Variants in INHBA observed in about 807,000 individuals in gnomAD.
INHBA encodes the protein inhibin beta A chain.
INHBA carries 1 observed loss-of-function variant against 29.0 expected under a neutral mutation model. The observed-to-expected ratio is 0.03, with a 90% confidence interval of 0.01 to 0.16. The LOEUF is 0.16. Ranked by LOEUF, INHBA falls within the 10% of genes least tolerant of loss-of-function variation. INHBA has a pLI of 1.00. For missense variants in INHBA, 376 were observed against 545.4 expected (o/e 0.69, Z 3.09); for synonymous variants, 242 against 216.8 (o/e 1.12, Z -1.02).
upstream of INHBA, among the ~76,000 whole-genome samples, chr7:41,703,766 AACACACACACAC>A (rs3030167): frequency 1.4e-5 from 2 of 147,994 alleles, no homozygotes; most frequent in African/African-American, 5.0e-5. Flanking sequence ...TAACTAACCA[AACACACACACAC>A]ACACACACAC....
chr7:41,701,531 C>A (rs1460473064), intron 1 of INHBA, among the ~76,000 whole-genome samples: 2 of 152,250 alleles, frequency 1.3e-5, no homozygotes, highest in East Asian at 3.9e-4. Context: ...CACTGAAGGA[C>A]CAGAGGGCAG....
chr7:41,704,504 T>C (rs1189836648), upstream of INHBA, among the ~76,000 whole-genome samples: 1 of 152,088 alleles, frequency 6.6e-6, no homozygotes, highest in Non-Finnish European at 1.5e-5. Context: ...CCACCCTTTT[T>C]GCTGAGAATT....
At chr7:41,691,086 G>T (rs947075040) in intron 2 of INHBA, 1 of 152,682 alleles carries the variant, frequency 6.5e-6, no homozygotes, top group Non-Finnish European at 1.5e-5. Flanking sequence ...TATCTCACAG[G>T]TTTAGGAAGG....
intron 2 of INHBA, among the ~76,000 whole-genome samples, chr7:41,693,486 T>C (rs1457549214): frequency 6.6e-6 from 1 of 152,208 alleles, no homozygotes; most frequent in East Asian, 1.9e-4. Context: ...CCAGAGAGGC[T>C]GAGGCTGCTG....
At chr7:41,693,138 C>T (rs979952375) in intron 2 of INHBA, among the ~76,000 whole-genome samples, 11 of 152,226 alleles carry the variant, frequency 7.2e-5, no homozygotes, top group South Asian at 2.1e-4. Flanking sequence ...CAAAAACAGA[C>T]AGATAGTAGC....
chr7:41,698,171 A>G (rs956352961), intron 2 of INHBA, among the ~76,000 whole-genome samples: 4 of 152,224 alleles, frequency 2.6e-5, no homozygotes, highest in Non-Finnish European at 2.9e-5. Context: ...CATAAGAAAG[A>G]ATGTAAATGG....
intron 1 of INHBA, among the ~76,000 whole-genome samples, chr7:41,701,329 AGGGACTCAG>A (rs1794790652): frequency 6.6e-6 from 1 of 152,234 alleles, no homozygotes; most frequent in South Asian, 2.1e-4. Flanking sequence ...GTCAGGGAAG[AGGGACTCAG>A]GGGTAACAGA....
At chr7:41,698,806 G>A (rs993305281) in intron 2 of INHBA, among the ~76,000 whole-genome samples, 11 of 152,318 alleles carry the variant, frequency 7.2e-5, no homozygotes, top group East Asian at 3.9e-4. Flanking sequence ...TTTTCAGATT[G>A]GAAATTCTGA....
Position 41,700,240 on chromosome 7 carries a change from C to A in INHBA, c.135G>T (p.Lys45Asn). Residue 45 changes from lysine (K) to asparagine (N), a missense_variant, in exon 2 of 3, where the codon AAG becomes AAT. Lys to Asn is a moderately conservative substitution (Grantham distance 94). This residue lies in a region of INHBA where 71 missense variants were observed against 77.0 expected (regional missense o/e 0.92). Coordinates refer to ENST00000242208, the MANE Select transcript of INHBA (RefSeq NM_002192.4). ...CPSCALAALP[K>N]DVPNSQPEMV... ...TCTCTGGCTGAGAGTTGGGTACATCCTTTGGGAGGGCGGCCAGCGCACAGG... is the reference window on the plus strand; with the variant it reads ...TCTCTGGCTGAGAGTTGGGTACATCATTTGGGAGGGCGGCCAGCGCACAGG... 1 of 1,612,192 alleles carries A rather than the reference C, an allele frequency of 6.2e-7. No individual in the cohort carries two copies. The highest frequency in any genetic ancestry group is 8.5e-7 in the Non-Finnish European group (1 of 1,178,632).
At position 41,700,194 on chromosome 7, in the gene INHBA, G is replaced by A. The variant is rs749899848; in HGVS notation, c.181C>T (p.His61Tyr). The change falls in exon 2 of 3, where the codon CAC (histidine) becomes TAC (tyrosine). Residue 61 changes from histidine to tyrosine, a missense_variant. This residue lies in a region of INHBA where 71 missense variants were observed against 77.0 expected (regional missense o/e 0.92). Transcript: ENST00000242208. ...QPEMVEAVKK[H>Y]ILNMLHLKKR... The stretch of plus-strand genomic sequence containing the variant: ...TTCAAGTGCAGCATGTTTAAAATGT[G>A]CTTCTTGACGGCCTCCACCATCTCT... 2 of 1,614,104 alleles carry A rather than the reference G, an allele frequency of 1.2e-6. No individual in the cohort carries two copies. The highest frequency in any genetic ancestry group is 1.7e-5 in the Admixed American group (1 of 60,014).
intron 2 of INHBA, chr7:41,694,202 C>T (rs148790819): frequency 5.9e-5 from 9 of 152,224 alleles, no homozygotes; most frequent in South Asian, 2.1e-4. Context: ...TGGAAACTGA[C>T]GTGGGATTGA....
Position 41,687,309 on chromosome 7 carries a change from T to TA in INHBA, c.*2340dup, listed in dbSNP as rs1348696814. ...ATTTATTTTAATCTACAAATTGACA[T>TA]AGGGCTAAAAGCTTCAATATTTTAC... On this transcript the variant is annotated 3_prime_UTR_variant, in exon 3 of 3. Transcript: ENST00000242208. 1 of 152,226 alleles carries TA rather than the reference T, an allele frequency of 6.6e-6. No individual in the cohort carries two copies. The highest frequency in any genetic ancestry group is 1.5e-5 in the Non-Finnish European group (1 of 68,028). The allele number at this position is 152,226 out of a possible 1,614,324, so 9.4% of individuals were successfully genotyped here.
intron 2 of INHBA, 149 bp from the exon 3 acceptor site, chr7:41,690,691 G>T: frequency 1.0e-6 from 1 of 967,116 alleles, no homozygotes; most frequent in Non-Finnish European, 1.5e-6. Context: ...GGCTGAAACT[G>T]TTTCTGTACT....
At position 41,689,373 on chromosome 7, in the gene INHBA, G is replaced by C; in HGVS notation, c.*277C>G. ...AACTGATGTCATCAGTGTGATTTCAGAAGAAATAAAGGGTACACCATTCTC... is the reference window on the plus strand; with the variant it reads ...AACTGATGTCATCAGTGTGATTTCACAAGAAATAAAGGGTACACCATTCTC... On this transcript the variant is annotated 3_prime_UTR_variant, in exon 3 of 3. Transcript: ENST00000242208. The C allele has an allele frequency of 2.6e-6, 1 of 385,832 alleles. No individual in the cohort carries two copies. The highest frequency in any genetic ancestry group is 4.3e-5 in the Admixed American group (1 of 23,394). The allele number at this position is 385,832 out of a possible 1,614,324, so 23.9% of individuals were successfully genotyped here. A position where few individuals can be genotyped will look rare whatever the true frequency, so the allele number is the denominator to read the frequency against.
At chr7:41,693,654 A>AG (rs1182546587) in intron 2 of INHBA, among the ~76,000 whole-genome samples, 1 of 152,180 alleles carries the variant, frequency 6.6e-6, no homozygotes, top group Non-Finnish European at 1.5e-5. Context: ...TACTCATTAG[A>AG]GGGGGCTCAA....
In INHBA at chr7:41,688,593, T is replaced by C. The variant is rs911202351; in HGVS notation, c.*1057A>G. On this transcript the variant is annotated 3_prime_UTR_variant, in exon 3 of 3. Coordinates refer to ENST00000242208, the MANE Select transcript of INHBA (RefSeq NM_002192.4). ...GCTATTTTGTGTGCTGTAGCAGTTCTTTTATAGCTCACATTAAGTGCAGCT... is the reference window on the plus strand; with the variant it reads ...GCTATTTTGTGTGCTGTAGCAGTTCCTTTATAGCTCACATTAAGTGCAGCT... 1.3e-5 allele frequency: 2 copies of C among 151,684 alleles called. No homozygotes were observed. The highest frequency in any genetic ancestry group is 4.8e-5 in the African/African-American group (2 of 41,362). 9.4% of individuals were successfully genotyped at this position (151,684 alleles called of 1,614,324 possible). A position where few individuals can be genotyped will look rare whatever the true frequency, so the allele number is the denominator to read the frequency against.
chr7:41,695,552 G>A (rs1016777716), intron 2 of INHBA, among the ~76,000 whole-genome samples: 6 of 152,116 alleles, frequency 3.9e-5, no homozygotes, highest in African/African-American at 1.2e-4. Flanking sequence ...AGAACTATAG[G>A]TTTGGCCATA....
Position 41,690,009 on chromosome 7 carries a change from G to C in INHBA, c.922C>G (p.Arg308Gly). The C allele has an allele frequency of 1.9e-6, 3 of 1,614,020 alleles. No homozygotes were observed. Among genetic ancestry groups the C allele is most frequent in the Non-Finnish European group, 1.7e-6 (2 of 1,180,036 alleles). ...RQSEDHPHRR[R>G]RRGLECDGKV... is the part of the protein sequence containing the mutation. Reference sequence around the variant, plus strand: ...CCATCACACTCCAAGCCCCGCCGACGCCGGCGATGAGGGTGGTCTTCAGAC... The same window carrying C: ...CCATCACACTCCAAGCCCCGCCGACCCCGGCGATGAGGGTGGTCTTCAGAC... The change falls in exon 3 of 3, where the codon CGT (arginine) becomes GGT (glycine). Residue 308 changes from arginine to glycine, a missense_variant. Transcript: ENST00000242208.
In INHBA at chr7:41,687,893, A is replaced by G. The variant is rs901148530; in HGVS notation, c.*1757T>C. The G allele has an allele frequency of 2.6e-5, 4 of 152,250 alleles. No homozygotes were observed. Among genetic ancestry groups the G allele is most frequent in the African/African-American group, 9.6e-5 (4 of 41,468 alleles). 9.4% of individuals were successfully genotyped at this position (152,250 alleles called of 1,614,324 possible). On this transcript the variant is annotated 3_prime_UTR_variant, in exon 3 of 3. Coordinates refer to ENST00000242208, the MANE Select transcript of INHBA (RefSeq NM_002192.4). The stretch of plus-strand genomic sequence containing the variant: ...CCAATAGACACTAAGTTGGAAAAAC[A>G]TCAGCCCAGAGTTTTGATTATCATC...
Sources: gnomAD v4.1 joint callset for allele counts (sites outside exome capture counted in the v4.1 genomes callset) on GRCh38, gnomAD v4.1.1 for gene constraint, gnomAD v4.1.1 regional missense constraint, MANE v1.5 for transcripts, NCBI Gene and HGNC (gene_info 2026-07-23, HGNC 2026-07-21) for gene names.